Variants in PIP5K1A observed in about 807,000 individuals in gnomAD.
PIP5K1A encodes the protein phosphatidylinositol-4-phosphate 5-kinase type 1 alpha, also known as phosphatidylinositol 4-phosphate 5-kinase type-1 alpha.
A neutral mutation model predicts 72.9 loss-of-function variants in PIP5K1A; 46 were observed. That is an observed-to-expected ratio of 0.63 (90% confidence interval 0.50 to 0.81). PIP5K1A has a LOEUF of 0.81. Ranked by LOEUF, PIP5K1A falls within the 30% of genes least tolerant of loss-of-function variation. The probability of loss-of-function intolerance (pLI) is 0.00; values close to 1 mark genes in which losing one functional copy is unlikely to be tolerated. For missense variants in PIP5K1A, 458 were observed against 706.1 expected, an observed-to-expected ratio of 0.65 and a Z score of 3.98; for synonymous variants, 228 against 255.1, an observed-to-expected ratio of 0.89 and a Z score of 1.01.
intron 3 of PIP5K1A, among the ~76,000 whole-genome samples, chr1:151,224,994 C>T (rs1004143081): frequency 1.3e-5 from 2 of 152,142 alleles, no homozygotes; most frequent in Admixed American, 1.3e-4. Context: ...TTTTCTGGTA[C>T]TAAGGGCCTT....
At chr1:151,213,136 G>A (rs762292070) in intron 1 of PIP5K1A, among the ~76,000 whole-genome samples, 7 of 152,080 alleles carry the variant, frequency 4.6e-5, no homozygotes, top group Non-Finnish European at 8.8e-5. Flanking sequence ...TGATTCCCCC[G>A]CCTTGGCCTC....
At chr1:151,240,899 T>C (rs1691584670) in intron 12 of PIP5K1A, among the ~76,000 whole-genome samples, 1 of 152,244 alleles carries the variant, frequency 6.6e-6, no homozygotes, top group Non-Finnish European at 1.5e-5. Context: ...GCACGGTGGC[T>C]CACACCTGTA....
Position 151,232,673 on chromosome 1 carries a change from T to C in PIP5K1A, c.609T>C (p.Phe203=), listed in dbSNP as rs1339408451. 7 of 1,613,908 alleles carry C rather than the reference T, an allele frequency of 4.3e-6. No individual in the cohort carries two copies. The highest frequency in any genetic ancestry group is 5.9e-6 in the Non-Finnish European group (7 of 1,179,968). ...CAGTCCAACATAAAGAGGCGGAATT[T>C]CTGCAGAAGCTGCTTCCAGGATACT... ...IKTVQHKEAE[F]LQKLLPGYYM... The change falls in exon 7 of 16, where the codon TTT becomes TTC. Residue 203 remains phenylalanine, a synonymous_variant. Transcript: ENST00000368888.
upstream of PIP5K1A, among the ~76,000 whole-genome samples, chr1:151,195,495 C>T (rs1045124368): frequency 6.6e-6 from 1 of 152,014 alleles, no homozygotes; most frequent in African/African-American, 2.4e-5. Flanking sequence ...CAGAGGACAC[C>T]CCAGGTACTG....
chr1:151,235,361 G>A (rs147171757), intron 8 of PIP5K1A, among the ~76,000 whole-genome samples: 16 of 152,306 alleles, frequency 1.1e-4, no homozygotes, highest in African/African-American at 3.6e-4. Flanking sequence ...AGGATTACAG[G>A]TGTGAGCCAC....
Position 151,199,067 on chromosome 1 carries a change from G to T in PIP5K1A, c.71G>T (p.Cys24Phe). Residue 24 changes from cysteine (C) to phenylalanine (F), a missense_variant, in exon 1 of 16, where the codon TGT becomes TTT. Cys to Phe is a radical substitution (Grantham distance 205). Around this residue, in one of 3 missense-constraint regions of PIP5K1A, gnomAD observed 81 missense variants for 88.0 expected, o/e 0.92. Coordinates refer to ENST00000368888, the MANE Select transcript of PIP5K1A (RefSeq NM_001135638.2). ...FSSFDPAVPS[C>F]TLSSAASGIK... ...TCCTTTGATCCCGCGGTCCCTTCCTGTACCTTGTCCTCAGGTAAGCCCGGC... is the reference window on the plus strand; with the variant it reads ...TCCTTTGATCCCGCGGTCCCTTCCTTTACCTTGTCCTCAGGTAAGCCCGGC... 5 of 1,614,162 alleles carry T rather than the reference G, an allele frequency of 3.1e-6. No individual in the cohort carries two copies. The highest frequency in any genetic ancestry group is 4.2e-6 in the Non-Finnish European group (5 of 1,180,038).
chr1:151,224,751 A>G (rs1688866305), intron 3 of PIP5K1A, among the ~76,000 whole-genome samples: 1 of 152,162 alleles, frequency 6.6e-6, no homozygotes, highest in Non-Finnish European at 1.5e-5. Flanking sequence ...GATGAATATG[A>G]AGAACTTTTA....
intron 1 of PIP5K1A, among the ~76,000 whole-genome samples, chr1:151,218,662 C>G (rs905687950): frequency 6.6e-6 from 1 of 151,772 alleles, no homozygotes. Flanking sequence ...GGTGAAACCC[C>G]GTCTTGACTG....
intron 7 of PIP5K1A, 52 bp downstream of exon 7, chr1:151,232,755 C>T: frequency 2.6e-6 from 4 of 1,514,154 alleles, no homozygotes; most frequent in Non-Finnish European, 3.6e-6. Flanking sequence ...CTGGGCAAGG[C>T]TGGGGAGGCT....
At position 151,240,570 on chromosome 1, in the gene PIP5K1A, A is replaced by G. The variant is rs186270376; in HGVS notation, c.1363+531A>G. Among the ~76,000 whole-genome samples the G allele has an allele frequency of 2.1e-4, 32 of 152,198 alleles. 1 individual carries two copies. Among genetic ancestry groups the G allele is most frequent in the Admixed American group, 1.7e-3 (26 of 15,288 alleles). On this transcript the variant is annotated intron_variant, in intron 12 of 15. Coordinates refer to ENST00000368888, the MANE Select transcript of PIP5K1A (RefSeq NM_001135638.2). The stretch of plus-strand genomic sequence containing the variant: ...TCTAGCTTCTCTTTCCCTTCTTCTC[A>G]TATTAGGCATCATTATTCCCATAGC...
chr1:151,228,665 G>A (rs587651555), intron 4 of PIP5K1A, among the ~76,000 whole-genome samples: 1 of 152,162 alleles, frequency 6.6e-6, no homozygotes, highest in South Asian at 2.1e-4. Flanking sequence ...GCTTCCTGAG[G>A]GACAGTGTTC....
At chr1:151,198,497 C>T, upstream of PIP5K1A, 1 of 194,770 alleles carries the variant, frequency 5.1e-6, no homozygotes, top group Non-Finnish European at 1.1e-5. Context: ...CTCCTTTTTT[C>T]TCCCCAATGA....
chr1:151,236,150 A>G (rs1289379524), intron 8 of PIP5K1A, among the ~76,000 whole-genome samples: 1 of 150,004 alleles, frequency 6.7e-6, no homozygotes, highest in Non-Finnish European at 1.5e-5. Context: ...TTAGCCTTAC[A>G]GGTTCACTGT....
chr1:151,207,022 A>G (rs1285747627), intron 1 of PIP5K1A, among the ~76,000 whole-genome samples: 1 of 151,852 alleles, frequency 6.6e-6, no homozygotes, highest in Admixed American at 6.6e-5. Context: ...GGTACACACC[A>G]ACATGCCTAG....
chr1:151,204,170 G>A (rs995715803), intron 1 of PIP5K1A, among the ~76,000 whole-genome samples: 12 of 151,974 alleles, frequency 7.9e-5, no homozygotes, highest in African/African-American at 2.9e-4. Context: ...AGGGATTATT[G>A]TTGATATATA....
intron 1 of PIP5K1A, among the ~76,000 whole-genome samples, chr1:151,202,429 T>G (rs185980734): frequency 2.3e-4 from 35 of 152,310 alleles, no homozygotes; most frequent in African/African-American, 8.4e-4. Context: ...ATTCCTCTGG[T>G]ACCATGCAGA....
chr1:151,222,004 T>C (rs183377208), intron 1 of PIP5K1A, among the ~76,000 whole-genome samples: 1 of 152,314 alleles, frequency 6.6e-6, no homozygotes, highest in African/African-American at 2.4e-5. Context: ...GGAGCATCAT[T>C]TGAGCCTGGG....
intron 3 of PIP5K1A, among the ~76,000 whole-genome samples, chr1:151,226,042 T>C (rs1042484746): frequency 6.6e-6 from 1 of 150,972 alleles, no homozygotes; most frequent in African/African-American, 2.4e-5. Context: ...GCCTTCTGAG[T>C]AGCTGAGATT....
chr1:151,230,684 G>A (rs998636746), intron 4 of PIP5K1A, among the ~76,000 whole-genome samples: 1 of 152,170 alleles, frequency 6.6e-6, no homozygotes, highest in African/African-American at 2.4e-5. Context: ...TGGGACTACA[G>A]GTGCACACCA....
Sources: gnomAD v4.1 joint callset for allele counts (sites outside exome capture counted in the v4.1 genomes callset) on GRCh38, gnomAD v4.1.1 for gene constraint, gnomAD v4.1.1 regional missense constraint, MANE v1.5 for transcripts, NCBI Gene and HGNC (gene_info 2026-07-23, HGNC 2026-07-21) for gene names.